Variants in PBX1 observed in about 807,000 individuals in gnomAD.
The protein encoded by PBX1 is PBX homeobox 1.
PBX1 carries 6 observed loss-of-function variants against 53.4 expected under a neutral mutation model. That is an observed-to-expected ratio of 0.11 (90% CI 0.06 to 0.22). The LOEUF (loss-of-function observed/expected upper bound fraction) is 0.22. Among genes scored for constraint, PBX1 ranks in the 10% least tolerant of loss-of-function variants. The pLI, the probability that PBX1 is intolerant of heterozygous loss-of-function variation, is 1.00. For synonymous variants in PBX1, 204 were observed against 212.3 expected, an observed-to-expected ratio of 0.96 and a Z score of 0.34; for missense variants, 251 against 551.4, an observed-to-expected ratio of 0.46 and a Z score of 5.46.
At position 164,759,383 on chromosome 1, in the gene PBX1, G is replaced by A. The variant is rs573977028; in HGVS notation, c.266-33111G>A. On this transcript the variant is annotated intron_variant, in intron 2 of 8. Transcript: ENST00000420696. ...ATTAACATAGATTCCCAGGGGGTGG[G>A]TCACCTTCTGAGTGGAGGCCCCTAA... is the stretch of plus-strand genomic sequence containing the variant. Among the ~76,000 whole-genome samples, 18 of 152,244 alleles carry A rather than the reference G, an allele frequency of 1.2e-4. 1 individual carries two copies. The South Asian group carries it at 3.5e-3, about 30-fold the overall frequency.
At chr1:164,838,243 A>G (rs546841487) in intron 8 of PBX1, among the ~76,000 whole-genome samples, 1 of 152,210 alleles carries the variant, frequency 6.6e-6, no homozygotes, top group South Asian at 2.1e-4. Context: ...ATACCATCTT[A>G]CTCTTAGGTC....
chr1:164,857,567 C>T (rs768456251), intron 2 of PBX1, among the ~76,000 whole-genome samples: 1 of 152,162 alleles, frequency 6.6e-6, no homozygotes, highest in African/African-American at 2.4e-5. Context: ...AAAGTTCTAA[C>T]CTTTTAATCA....
At chr1:164,601,522 C>CT (rs1377400258) in intron 2 of PBX1, among the ~76,000 whole-genome samples, 3 of 152,180 alleles carry the variant, frequency 2.0e-5, no homozygotes, top group Admixed American at 6.5e-5. Context: ...AACCATCTCA[C>CT]TTTAACAGAA....
Position 164,760,186 on chromosome 1 carries a change from G to GGA in PBX1, c.266-32308_266-32307insGA, listed in dbSNP as rs1391355496. The stretch of plus-strand genomic sequence containing the variant: ...GTCTTGACTACTGCTCGGGGCTGGA[G>GGA]CCACTTACCATGTCACACATTCAGC... On this transcript the variant is annotated intron_variant, in intron 2 of 8. Coordinates refer to ENST00000420696, the MANE Select transcript of PBX1 (RefSeq NM_002585.4). Among the ~76,000 whole-genome samples the GGA allele has an allele frequency of 7.9e-5, 12 of 152,278 alleles. No individual in the cohort carries two copies. In the East Asian group the frequency reaches 2.1e-3, roughly 27 times the overall value.
intron 8 of PBX1, among the ~76,000 whole-genome samples, chr1:164,836,282 G>A (rs528124681): frequency 5.3e-4 from 81 of 152,072 alleles, no homozygotes; most frequent in South Asian, 1.9e-3. Flanking sequence ...ATCTTATTCC[G>A]TAGCAGCACA....
At position 164,761,520 on chromosome 1, in the gene PBX1, C is replaced by T. The variant is rs565412948; in HGVS notation, c.266-30974C>T. ...AGTGCAGTGGCGCGATCTCGACTCA[C>T]TGCAAGCTCCGCCTCCCAGGTTCAC... On this transcript the variant is annotated intron_variant, in intron 2 of 8. Coordinates refer to ENST00000420696, the MANE Select transcript of PBX1 (RefSeq NM_002585.4). Among the ~76,000 whole-genome samples the T allele has an allele frequency of 3.0e-3, 451 of 152,128 alleles. 2 individuals carry two copies. The highest frequency in any genetic ancestry group is 0.011 in the African/African-American group (437 of 41,508).
chr1:164,789,660 CTGT>C (rs758776663), intron 2 of PBX1, among the ~76,000 whole-genome samples: 1 of 152,136 alleles, frequency 6.6e-6, no homozygotes. Flanking sequence ...TTTTGCTTTG[CTGT>C]TGTTGTTGAG....
At position 164,670,023 on chromosome 1, in the gene PBX1, C is replaced by T. The variant is rs979831175; in HGVS notation, c.265+106712C>T. On this transcript the variant is annotated intron_variant, in intron 2 of 8. Transcript: ENST00000420696. The stretch of plus-strand genomic sequence containing the variant: ...AGCAGTATCAAGATTTGACTACCAG[C>T]TCACAATATTTCCTCCTGCACATCT... Among the ~76,000 whole-genome samples the T allele has an allele frequency of 2.0e-5, 3 of 152,170 alleles. No individual in the cohort carries two copies. The East Asian group carries it at 5.8e-4, about 29-fold the overall frequency.
intron 2 of PBX1, among the ~76,000 whole-genome samples, chr1:164,863,740 A>C (rs1248092434): frequency 6.6e-6 from 1 of 152,144 alleles, no homozygotes; most frequent in Non-Finnish European, 1.5e-5. Flanking sequence ...TGGAGGAGGG[A>C]ATCTGGCGGA....
intron 2 of PBX1, among the ~76,000 whole-genome samples, chr1:164,721,507 G>T (rs144453818): frequency 6.6e-6 from 1 of 152,072 alleles, no homozygotes. Flanking sequence ...ACTTAAAAGC[G>T]AAAACAATTG....
In PBX1 at chr1:164,694,686, A is replaced by T. The variant is rs116126538; in HGVS notation, c.266-97808A>T. 4.7e-4 allele frequency among the ~76,000 whole-genome samples: 72 copies of T among 152,348 alleles called. 1 individual carries two copies. The highest frequency in any genetic ancestry group is 2.2e-3 in the Admixed American group (34 of 15,302). ...CCCAATCTAGAAACCTAATATTTGT[A>T]TCAGACTTTAACCTTTTTCTATGTC... On this transcript the variant is annotated intron_variant, in intron 2 of 8. Coordinates refer to ENST00000420696, the MANE Select transcript of PBX1 (RefSeq NM_002585.4).
At chr1:164,605,379 G>A (rs1656481006) in intron 2 of PBX1, 1 of 152,156 alleles carries the variant, frequency 6.6e-6, no homozygotes, top group African/African-American at 2.4e-5. Flanking sequence ...AGGGATTAAG[G>A]TATTCTACAA....
chr1:164,721,130 T>C (rs1317390440), intron 2 of PBX1, among the ~76,000 whole-genome samples: 1 of 152,220 alleles, frequency 6.6e-6, no homozygotes, highest in African/African-American at 2.4e-5. Flanking sequence ...GTAAGCATTC[T>C]AGGGTTCATC....
At position 164,640,145 on chromosome 1, in the gene PBX1, C is replaced by T. The variant is rs559537139; in HGVS notation, c.265+76834C>T. 4.6e-5 allele frequency among the ~76,000 whole-genome samples: 7 copies of T among 152,260 alleles called. No homozygotes were observed. The East Asian group carries it at 5.8e-4, about 13-fold the overall frequency. ...ATCAGTGAATGTTCCCCAAACAGATCGCAGCCTGGCTCCTGGAGGTCTGGA... is the reference window on the plus strand; with the variant it reads ...ATCAGTGAATGTTCCCCAAACAGATTGCAGCCTGGCTCCTGGAGGTCTGGA... On this transcript the variant is annotated intron_variant, in intron 2 of 8. Coordinates refer to ENST00000420696, the MANE Select transcript of PBX1 (RefSeq NM_002585.4).
chr1:164,763,752 G>T (rs1026382558), intron 2 of PBX1, among the ~76,000 whole-genome samples: 1 of 152,208 alleles, frequency 6.6e-6, no homozygotes, highest in African/African-American at 2.4e-5. Flanking sequence ...TTGCAGCAAG[G>T]CACATCCAAA....
At chr1:164,783,867 T>G (rs568274127) in intron 2 of PBX1, among the ~76,000 whole-genome samples, 88 of 152,306 alleles carry the variant, frequency 5.8e-4, no homozygotes, top group African/African-American at 2.0e-3. Context: ...ATGTGCTAGG[T>G]GCCTCACTGA....
downstream of PBX1, among the ~76,000 whole-genome samples, chr1:164,852,626 T>A (rs1425371435): frequency 6.6e-6 from 1 of 152,238 alleles, no homozygotes; most frequent in Admixed American, 6.5e-5. Context: ...TATGAGGCTC[T>A]GTCCAGATCC....
rs1671646016 is a variant in PBX1 at position 164,847,786 on chromosome 1, G to A, written c.*1110G>A. Reference sequence around the variant, plus strand: ...GGTCACTGACACAGAGAAGCAGTATGTGTCTGGGGCTTCCAGGACCTGCAG... The same window carrying A: ...GGTCACTGACACAGAGAAGCAGTATATGTCTGGGGCTTCCAGGACCTGCAG... On this transcript the variant is annotated 3_prime_UTR_variant, in exon 9 of 9. Coordinates refer to ENST00000420696, the MANE Select transcript of PBX1 (RefSeq NM_002585.4). 12 of 1,053,144 alleles carry A rather than the reference G, an allele frequency of 1.1e-5. No individual in the cohort carries two copies. Among genetic ancestry groups the A allele is most frequent in the Non-Finnish European group, 1.4e-5 (12 of 871,722 alleles). 65.2% of individuals were successfully genotyped at this position (1,053,144 alleles called of 1,614,324 possible).
At chr1:164,659,814 T>A (rs1392526021) in intron 2 of PBX1, among the ~76,000 whole-genome samples, 1 of 152,122 alleles carries the variant, frequency 6.6e-6, no homozygotes, top group Admixed American at 6.5e-5. Context: ...TCGAGGGTGG[T>A]GGCAGTGGTG....
Sources: gnomAD v4.1 joint callset for allele counts (sites outside exome capture counted in the v4.1 genomes callset) on GRCh38, gnomAD v4.1.1 for gene constraint, MANE v1.5 for transcripts, NCBI Gene and HGNC (gene_info 2026-07-23, HGNC 2026-07-21) for gene names.